Variants in TENM3 observed in about 807,000 individuals in gnomAD.
TENM3 encodes teneurin transmembrane protein 3.
A neutral mutation model predicts 255.1 loss-of-function variants in TENM3; 63 were observed. The observed-to-expected ratio is 0.25, with a 90% CI of 0.20 to 0.30. TENM3 has a LOEUF of 0.30. Among genes scored for constraint, TENM3 ranks in the 10% least tolerant of loss-of-function variants. The pLI is 1.00. For missense variants in TENM3, 2,929 were observed against 3,461.1 expected (o/e 0.85, Z 3.86); for synonymous variants, 1,306 against 1,322.3 (o/e 0.99, Z 0.27).
chr4:182,095,602 T>C, the TENM3 span, among the ~76,000 whole-genome samples: 1 of 152,042 alleles, frequency 6.6e-6, no homozygotes, highest in Admixed American at 6.6e-5. Flanking sequence ...TCCAGTTAGA[T>C]AGAAGGAATG....
chr4:182,618,613 C>G (rs17324653), intron 4 of TENM3, among the ~76,000 whole-genome samples: 39,293 of 144,440 alleles, frequency 0.27, 5,559 homozygotes, highest in Middle Eastern at 0.36. Context: ...CCTGCTAAGA[C>G]ATGGGGTTTA....
At chr4:181,869,179 T>C in the TENM3 span, among the ~76,000 whole-genome samples, 1 of 152,190 alleles carries the variant, frequency 6.6e-6, no homozygotes, top group African/African-American at 2.4e-5. Context: ...CACAGTGTGA[T>C]ATTTTATCTC....
In TENM3 at chr4:182,751,975, G is replaced by A. The variant is rs753241518; in HGVS notation, c.3805G>A (p.Glu1269Lys). Reference protein sequence around the residue: ...GTGEQCLPFDEARCGDGGKAV... With the variant: ...GTGEQCLPFDKARCGDGGKAV... Reference sequence around the variant, plus strand: ...AGGGGAGCAATGCCTTCCGTTTGACGAGGCGAGATGTGGGGATGGAGGGAA... The same window carrying A: ...AGGGGAGCAATGCCTTCCGTTTGACAAGGCGAGATGTGGGGATGGAGGGAA... The change falls in exon 20 of 28, where the codon GAG becomes AAG. Residue 1269 changes from glutamate to lysine, a missense_variant. Coordinates refer to ENST00000511685, the MANE Select transcript of TENM3 (RefSeq NM_001080477.4). 1.4e-5 allele frequency: 23 copies of A among 1,613,232 alleles called. No homozygotes were observed. The highest frequency in any genetic ancestry group is 7.6e-6 in the Non-Finnish European group (9 of 1,179,784).
the TENM3 span, among the ~76,000 whole-genome samples, chr4:182,065,448 G>A: frequency 2.0e-5 from 3 of 152,254 alleles, no homozygotes; most frequent in African/African-American, 7.2e-5. Flanking sequence ...AGAAGGCCAA[G>A]GGGGAGCACG....
At chr4:181,736,045 C>T in the TENM3 span, among the ~76,000 whole-genome samples, 1 of 152,264 alleles carries the variant, frequency 6.6e-6, no homozygotes, top group South Asian at 2.1e-4. Context: ...AGCCTGTAAT[C>T]CCAGCACTTT....
At chr4:181,849,949 T>TCACACACACACACACACACA in the TENM3 span, among the ~76,000 whole-genome samples, 6 of 65,898 alleles carry the variant, frequency 9.1e-5, no homozygotes, top group African/African-American at 2.6e-4. Context: ...TCTCTCTCTC[T>TCACACACACACACACACACA]CACACACACA....
the TENM3 span, among the ~76,000 whole-genome samples, chr4:181,742,839 A>G: frequency 3.3e-3 from 109 of 33,208 alleles, no homozygotes; most frequent in Middle Eastern, 0.071. Flanking sequence ...CCCCCTCCCC[A>G]CAACAGTCCC....
chr4:182,672,391 C>A (rs1355302208), intron 6 of TENM3, among the ~76,000 whole-genome samples: 1 of 152,140 alleles, frequency 6.6e-6, no homozygotes, highest in Admixed American at 6.5e-5. Flanking sequence ...GTTATAACAG[C>A]CTACACAAAA....
At chr4:181,946,072 GT>G in the TENM3 span, among the ~76,000 whole-genome samples, 5 of 151,934 alleles carry the variant, frequency 3.3e-5, no homozygotes, top group African/African-American at 1.2e-4. Context: ...TCATTATTCA[GT>G]TTACGTGAAT....
intron 12 of TENM3, among the ~76,000 whole-genome samples, chr4:182,695,313 C>T (rs1757316044): frequency 6.6e-6 from 1 of 152,152 alleles, no homozygotes; most frequent in African/African-American, 2.4e-5. Context: ...GCACTGGCAC[C>T]TCCTAAGATC....
chr4:181,673,244 A>G, the TENM3 span, among the ~76,000 whole-genome samples: 1 of 150,802 alleles, frequency 6.6e-6, no homozygotes, highest in Non-Finnish European at 1.5e-5. Context: ...ACATATTTCT[A>G]TGGGGAATGT....
At chr4:181,845,879 A>G in the TENM3 span, among the ~76,000 whole-genome samples, 7 of 152,332 alleles carry the variant, frequency 4.6e-5, no homozygotes, top group Middle Eastern at 3.4e-3. Flanking sequence ...CTTCTCTCAG[A>G]GAAGGATTAT....
At chr4:182,560,190 T>C (rs1291123237) in intron 3 of TENM3, among the ~76,000 whole-genome samples, 1 of 151,978 alleles carries the variant, frequency 6.6e-6, no homozygotes, top group Non-Finnish European at 1.5e-5. Flanking sequence ...ATACGTTACT[T>C]GAATTGAAAC....
At chr4:182,616,839 A>C (rs1199092807) in intron 4 of TENM3, among the ~76,000 whole-genome samples, 7 of 152,240 alleles carry the variant, frequency 4.6e-5, no homozygotes, top group Non-Finnish European at 8.8e-5. Context: ...TAAGGAAAAT[A>C]AACAGGAACC....
chr4:181,898,261 TACAC>T, the TENM3 span, among the ~76,000 whole-genome samples: 1 of 149,968 alleles, frequency 6.7e-6, no homozygotes, highest in Middle Eastern at 3.4e-3. Context: ...CATCTGCAGC[TACAC>T]ACACACACAC....
intron 3 of TENM3, among the ~76,000 whole-genome samples, chr4:182,456,312 G>A (rs1273709791): frequency 6.6e-6 from 1 of 152,122 alleles, no homozygotes; most frequent in African/African-American, 2.4e-5. Context: ...TGTAATGTAT[G>A]AATGAAATAA....
chr4:182,698,895 A>G (rs4398556), intron 12 of TENM3, among the ~76,000 whole-genome samples: 138,419 of 152,274 alleles, frequency 0.91, 63,329 homozygotes, highest in East Asian at 1. Flanking sequence ...TAGAAAAGGA[A>G]CATTTTTTGA....
chr4:181,858,236 G>A, the TENM3 span, among the ~76,000 whole-genome samples: 3 of 152,158 alleles, frequency 2.0e-5, no homozygotes, highest in African/African-American at 7.2e-5. Flanking sequence ...GTGTTGATAT[G>A]CAATAAATGA....
intron 2 of TENM3, among the ~76,000 whole-genome samples, chr4:182,338,602 A>G (rs1580210008): frequency 6.6e-6 from 1 of 152,218 alleles, no homozygotes; most frequent in Non-Finnish European, 1.5e-5. Flanking sequence ...TCTTAAATAT[A>G]TAACATGAAA....
Sources: gnomAD v4.1 joint callset for allele counts (sites outside exome capture counted in the v4.1 genomes callset) on GRCh38, gnomAD v4.1.1 for gene constraint, MANE v1.5 for transcripts, NCBI Gene and HGNC (gene_info 2026-07-23, HGNC 2026-07-21) for gene names.